Variants in GOLM2 observed in about 807,000 individuals in gnomAD.
GOLM2 encodes the protein golgi membrane protein 2.
A neutral mutation model predicts 55.9 loss-of-function variants in GOLM2; 26 were observed. The ratio of observed to expected loss-of-function variants is 0.47; its 90% CI spans 0.34 to 0.65. GOLM2 has a LOEUF of 0.65. GOLM2 is among the 30% of genes least tolerant of loss of function. The pLI, the probability that GOLM2 is intolerant of heterozygous loss-of-function variation, is 0.01. For missense variants in GOLM2, 486 were observed against 531.8 expected, an observed-to-expected ratio of 0.91 and a Z score of 0.85; for synonymous variants, 165 against 194.6, an observed-to-expected ratio of 0.85 and a Z score of 1.27.
chr15:44,382,249 T>C (rs532035717), intron 8 of GOLM2: 34 of 152,282 alleles, frequency 2.2e-4, no homozygotes, highest in African/African-American at 6.3e-4. Context: ...AGAAGAGGTG[T>C]ACAGTAAGAG....
intron 8 of GOLM2, among the ~76,000 whole-genome samples, chr15:44,383,512 A>T (rs1242027188): frequency 6.6e-6 from 1 of 152,042 alleles, no homozygotes; most frequent in Non-Finnish European, 1.5e-5. Flanking sequence ...TTCCTTAAAA[A>T]TGTTTTAATA....
intron 8 of GOLM2, among the ~76,000 whole-genome samples, chr15:44,395,797 G>A (rs141023043): frequency 4.7e-4 from 72 of 151,972 alleles, no homozygotes; most frequent in African/African-American, 1.6e-3. Context: ...CTGAGATCAC[G>A]CTACTGCACT....
chr15:44,388,855 G>A lies in GOLM2; in HGVS notation c.1072+7879G>A, dbSNP rs886473966. On this transcript the variant is annotated intron_variant, in intron 8 of 9. Coordinates refer to ENST00000299957, the MANE Select transcript of GOLM2 (RefSeq NM_138423.4). ...TTTTTAGACGGAGTCTCGGTCTGTC[G>A]CCCGTGCTGGAGTGCAGTGGCGTGA... Among the ~76,000 whole-genome samples the A allele has an allele frequency of 7.3e-5, 11 of 151,120 alleles. 1 individual carries two copies. The highest frequency in any genetic ancestry group is 6.6e-4 in the Admixed American group (10 of 15,108).
In GOLM2 at chr15:44,413,665, A is replaced by G; in HGVS notation, c.*259A>G. On this transcript the variant is annotated 3_prime_UTR_variant, in exon 10 of 10. Transcript: ENST00000299957. ...CTAATCTTTGCATCTAAAGCAAACT[A>G]ATGTATATTTCACATTTTATTGAGC... 2.8e-6 allele frequency: 1 copy of G among 356,658 alleles called. No individual in the cohort carries two copies. The highest frequency in any genetic ancestry group is 5.1e-6 in the Non-Finnish European group (1 of 196,100). 22.1% of individuals were successfully genotyped at this position (356,658 alleles called of 1,614,324 possible).
At chr15:44,310,247 T>G in intron 1 of GOLM2, among the ~76,000 whole-genome samples, 1 of 151,914 alleles carries the variant, frequency 6.6e-6, no homozygotes, top group Non-Finnish European at 1.5e-5. Context: ...TAATTTACTT[T>G]GTGCAGCATT....
chr15:44,292,794 T>C (rs187799224), intron 1 of GOLM2, among the ~76,000 whole-genome samples: 10 of 152,224 alleles, frequency 6.6e-5, no homozygotes, highest in Non-Finnish European at 1.2e-4. Context: ...TAACAGTTTT[T>C]CAGGGTTTTT....
chr15:44,333,584 A>G (rs142228857), intron 4 of GOLM2, among the ~76,000 whole-genome samples: 75 of 152,312 alleles, frequency 4.9e-4, no homozygotes, highest in African/African-American at 1.8e-3. Flanking sequence ...AGGGCAACCA[A>G]AAGGTATTAT....
intron 1 of GOLM2, among the ~76,000 whole-genome samples, chr15:44,305,753 C>T (rs2078832758): frequency 6.6e-6 from 1 of 152,156 alleles, no homozygotes; most frequent in Non-Finnish European, 1.5e-5. Flanking sequence ...AGAAATTACT[C>T]CTTGCTCCAT....
At position 44,344,287 on chromosome 15, in the gene GOLM2, G is replaced by GTATATATATATA. The variant is rs143483392; in HGVS notation, c.802+5983_802+5994dup. Among the ~76,000 whole-genome samples the GTATATATATATA allele has an allele frequency of 1.5e-4, 21 of 138,336 alleles. No homozygotes were observed. In the East Asian group the frequency reaches 3.0e-3, roughly 20 times the overall value. 90.8% of individuals were successfully genotyped at this position (138,336 alleles called of 152,430 possible). ...AAAAAAAAAAAATGTATATGTGTGT[G>GTATATATATATA]TATATATATATATATATATATATAC... On this transcript the variant is annotated intron_variant, in intron 6 of 9. Coordinates refer to ENST00000299957, the MANE Select transcript of GOLM2 (RefSeq NM_138423.4).
chr15:44,326,506 A>G (rs1225830718), intron 2 of GOLM2, among the ~76,000 whole-genome samples: 2 of 151,850 alleles, frequency 1.3e-5, no homozygotes, highest in African/African-American at 2.4e-5. Flanking sequence ...GAAAAAAAGT[A>G]TATGTTCAAA....
At chr15:44,390,735 A>G (rs1322281733) in intron 8 of GOLM2, among the ~76,000 whole-genome samples, 1 of 151,840 alleles carries the variant, frequency 6.6e-6, no homozygotes, top group Non-Finnish European at 1.5e-5. Context: ...ACGCCCGGCT[A>G]ATGTTATATT....
At chr15:44,398,329 A>C (rs1452420784) in intron 8 of GOLM2, among the ~76,000 whole-genome samples, 1 of 152,214 alleles carries the variant, frequency 6.6e-6, no homozygotes, top group African/African-American at 2.4e-5. Context: ...TTTTTGAGGC[A>C]GAGTCTCATC....
intron 9 of GOLM2, among the ~76,000 whole-genome samples, chr15:44,412,449 G>A (rs371107115): frequency 6.6e-6 from 1 of 152,058 alleles, no homozygotes; most frequent in Non-Finnish European, 1.5e-5. Flanking sequence ...TTAAGAAAAG[G>A]TTAAACTTTG....
At chr15:44,397,690 T>G (rs1349358388) in intron 8 of GOLM2, among the ~76,000 whole-genome samples, 1 of 152,148 alleles carries the variant, frequency 6.6e-6, no homozygotes, top group Non-Finnish European at 1.5e-5. Flanking sequence ...ACCAATCACC[T>G]TGAAATTTAT....
At chr15:44,386,183 CT>C (rs2079442597) in intron 8 of GOLM2, among the ~76,000 whole-genome samples, 1 of 152,120 alleles carries the variant, frequency 6.6e-6, no homozygotes, top group Non-Finnish European at 1.5e-5. Flanking sequence ...ATATTTAGGT[CT>C]TTCATCCATT....
intron 6 of GOLM2, among the ~76,000 whole-genome samples, chr15:44,358,065 A>G (rs540850703): frequency 1.4e-4 from 22 of 152,324 alleles, no homozygotes; most frequent in South Asian, 2.1e-4. Flanking sequence ...GTTTATATAG[A>G]GAGGCATGCC....
intron 4 of GOLM2, among the ~76,000 whole-genome samples, chr15:44,336,133 A>G (rs566111698): frequency 2.4e-5 from 3 of 126,052 alleles, no homozygotes; most frequent in East Asian, 2.5e-4. Context: ...AACTTTTTCT[A>G]TTTAATGGAG....
rs537863677 is a variant in GOLM2 at position 44,344,457 on chromosome 15, C to T, written c.802+6140C>T. On this transcript the variant is annotated intron_variant, in intron 6 of 9. Transcript: ENST00000299957. Reference sequence around the variant, plus strand: ...TTTGGAACTAATCGCCAAGACTTTACAGGAACTTTATGATTTAATGAATTA... The same window carrying T: ...TTTGGAACTAATCGCCAAGACTTTATAGGAACTTTATGATTTAATGAATTA... Among the ~76,000 whole-genome samples the T allele has an allele frequency of 7.2e-4, 110 of 152,102 alleles. 3 individuals are homozygous for T. The South Asian group carries it at 0.023, about 31-fold the overall frequency.
At chr15:44,318,812 C>T (rs1193359897) in intron 1 of GOLM2, among the ~76,000 whole-genome samples, 1 of 152,046 alleles carries the variant, frequency 6.6e-6, no homozygotes, top group African/African-American at 2.4e-5. Context: ...CTTGGAAGAC[C>T]CTTCATAATT....
Sources: gnomAD v4.1 joint callset for allele counts (sites outside exome capture counted in the v4.1 genomes callset) on GRCh38, gnomAD v4.1.1 for gene constraint, MANE v1.5 for transcripts, NCBI Gene and HGNC (gene_info 2026-07-23, HGNC 2026-07-21) for gene names.